KCNQ2: variants seen among roughly 807,000 people sequenced by gnomAD.
KCNQ2 encodes the protein potassium voltage-gated channel subfamily Q member 2.
In KCNQ2, 14 loss-of-function variants were observed where a neutral mutation model predicts 84.8. The ratio of observed to expected loss-of-function variants is 0.17; its 90% CI spans 0.11 to 0.26. KCNQ2 has a LOEUF of 0.26. Ranked by LOEUF, KCNQ2 falls within the 10% of genes least tolerant of loss-of-function variation. KCNQ2 has a pLI of 1.00. For missense variants in KCNQ2, 788 were observed against 1,254.0 expected, an observed-to-expected ratio of 0.63 and a Z score of 5.61; for synonymous variants, 599 against 554.1, an observed-to-expected ratio of 1.08 and a Z score of -1.14.
chr20:63,436,861 C>T (rs2081025898), intron 7 of KCNQ2, among the ~76,000 whole-genome samples: 1 of 150,520 alleles, frequency 6.6e-6, no homozygotes. Context: ...ACTGCAACCT[C>T]CGTCTCCCGG....
At chr20:63,441,271 C>T (rs1490673553) in intron 5 of KCNQ2, among the ~76,000 whole-genome samples, 1 of 149,236 alleles carries the variant, frequency 6.7e-6, no homozygotes, top group Non-Finnish European at 1.5e-5. Flanking sequence ...GGGTAGATCT[C>T]ATCCCAGTAG....
chr20:63,472,550 C>G lies in KCNQ2; in HGVS notation c.-87G>C, dbSNP rs1031079710. ...CGGCGCGGGCCCCAGCCCAGGCCCCCCGGCCGGGAGCCGCATGGCCGAGGC... is the reference window on the plus strand; with the variant it reads ...CGGCGCGGGCCCCAGCCCAGGCCCCGCGGCCGGGAGCCGCATGGCCGAGGC... On this transcript the variant is annotated 5_prime_UTR_variant, in exon 1 of 17. Coordinates refer to ENST00000359125, the MANE Select transcript of KCNQ2 (RefSeq NM_172107.4). 13 of 1,173,776 alleles carry G rather than the reference C, an allele frequency of 1.1e-5. No individual in the cohort carries two copies. Among genetic ancestry groups the G allele is most frequent in the South Asian group, 3.7e-5 (1 of 27,082 alleles). 72.7% of individuals were successfully genotyped at this position (1,173,776 alleles called of 1,614,324 possible).
At chr20:63,424,863 C>G (rs2080581415) in intron 10 of KCNQ2, among the ~76,000 whole-genome samples, 1 of 152,194 alleles carries the variant, frequency 6.6e-6, no homozygotes, top group Non-Finnish European at 1.5e-5. Flanking sequence ...ATGGGGAGGC[C>G]CCAGCGATCT....
At chr20:63,419,764 G>T in intron 11 of KCNQ2, 92 bp from the exon 12 acceptor site, 1 of 1,122,544 alleles carries the variant, frequency 8.9e-7, no homozygotes, top group Non-Finnish European at 1.3e-6. Flanking sequence ...CACCCAGGGT[G>T]TTGTGTGCAG....
intron 1 of KCNQ2, among the ~76,000 whole-genome samples, chr20:63,470,091 C>T (rs2082177148): frequency 6.6e-6 from 1 of 152,230 alleles, no homozygotes; most frequent in South Asian, 2.1e-4. Flanking sequence ...GGTTCTGAGA[C>T]CAGCCCCCAG....
Position 63,444,755 on chromosome 20 carries a change from C to G in KCNQ2, c.594G>C (p.Arg198=). The G allele has an allele frequency of 6.2e-7, 1 of 1,606,990 alleles. No homozygotes were observed. Among genetic ancestry groups the G allele is most frequent in the South Asian group, 1.1e-5 (1 of 89,570 alleles). Residue 198 remains arginine (R), a synonymous_variant, in exon 4 of 17, where the codon CGG becomes CGC. Transcript: ENST00000359125. ...QGNVFATSAL[R]SLRFLQILRM... ...GCAGAATCTGCAGGAAGCGCAGGCT[C>G]CGGAGCGCAGATGTGGCAAAGACGT...
chr20:63,472,543 A>G lies in KCNQ2; in HGVS notation c.-80T>C, dbSNP rs2082244078. ...CGGGGGGCGGCGCGGGCCCCAGCCCAGGCCCCCCGGCCGGGAGCCGCATGG... is the reference window on the plus strand; with the variant it reads ...CGGGGGGCGGCGCGGGCCCCAGCCCGGGCCCCCCGGCCGGGAGCCGCATGG... On this transcript the variant is annotated 5_prime_UTR_variant, in exon 1 of 17. Transcript: ENST00000359125. The G allele has an allele frequency of 8.3e-7, 1 of 1,200,904 alleles. No individual in the cohort carries two copies. The highest frequency in any genetic ancestry group is 1.0e-6 in the Non-Finnish European group (1 of 960,322). 74.4% of individuals were successfully genotyped at this position (1,200,904 alleles called of 1,614,324 possible).
intron 15 of KCNQ2, among the ~76,000 whole-genome samples, chr20:63,412,558 C>T (rs1015377440): frequency 6.6e-6 from 1 of 152,200 alleles, no homozygotes; most frequent in African/African-American, 2.4e-5. Flanking sequence ...CTTCCCTGGC[C>T]CCCTGAAGCA....
intron 1 of KCNQ2, among the ~76,000 whole-genome samples, chr20:63,452,201 T>C (rs920600019): frequency 3.1e-5 from 2 of 64,412 alleles, no homozygotes; most frequent in Non-Finnish European, 6.2e-5. Flanking sequence ...AAGCGTCTCA[T>C]GTGAAAACTG....
chr20:63,414,852 C>G lies in KCNQ2; in HGVS notation c.1525+51G>C, dbSNP rs769145654. The G allele has an allele frequency of 6.3e-7, 1 of 1,581,586 alleles. No individual in the cohort carries two copies. Among genetic ancestry groups the G allele is most frequent in the South Asian group, 1.1e-5 (1 of 90,474 alleles). The stretch of plus-strand genomic sequence containing the variant: ...AGGGTGGCCACAGTAGCGTGGCCAC[C>G]ACATCCATCCCCGGAGAGGATGGAC... On this transcript the variant is annotated intron_variant, in intron 13 of 16. Transcript: ENST00000359125. The surrounding 1 kb of genome is among the most constrained non-coding windows in gnomAD (Gnocchi z 6.6).
chr20:63,442,752 T>TCACCACCACCAC (rs1568934242), intron 4 of KCNQ2, among the ~76,000 whole-genome samples: 2 of 35,182 alleles, frequency 5.7e-5, no homozygotes, highest in African/African-American at 1.2e-4. Flanking sequence ...ATCACCACCA[T>TCACCACCACCAC]CACCATCACC....
intron 8 of KCNQ2, 104 bp downstream of exon 8, chr20:63,433,705 A>G (rs1190043396): frequency 6.3e-7 from 1 of 1,598,628 alleles, no homozygotes; most frequent in South Asian, 1.1e-5. Flanking sequence ...ATTTTAAAGA[A>G]AAAAAATCAA....
At chr20:63,442,968 C>T (rs796164819) in intron 4 of KCNQ2, among the ~76,000 whole-genome samples, 20 of 43,444 alleles carry the variant, frequency 4.6e-4, no homozygotes, top group Non-Finnish European at 4.9e-4. Context: ...ATCACCACCA[C>T]CACCACCATC....
chr20:63,416,338 G>A lies in KCNQ2; in HGVS notation c.1302-1212C>T, dbSNP rs554942920. Among the ~76,000 whole-genome samples, 19 of 152,322 alleles carry A rather than the reference G, an allele frequency of 1.2e-4. No homozygotes were observed. The South Asian group carries it at 2.7e-3, about 22-fold the overall frequency. ...TGACCGTGGAGATGGGTTTGCACCC[G>A]AGTTCTTCAACTCCAGCGTCCGCCG... On this transcript the variant is annotated intron_variant, in intron 12 of 16. Transcript: ENST00000359125.
At chr20:63,412,014 A>G in intron 15 of KCNQ2, 4 of 617,428 alleles carry the variant, frequency 6.5e-6, no homozygotes, top group Non-Finnish European at 1.2e-5. Flanking sequence ...TCTCCCACAG[A>G]GGGTGTGGAC....
chr20:63,455,026 G>A (rs1009299547), intron 1 of KCNQ2, among the ~76,000 whole-genome samples: 7 of 152,316 alleles, frequency 4.6e-5, no homozygotes, highest in Admixed American at 1.3e-4. Flanking sequence ...AGGGCTGCCC[G>A]CCCCCTCCTG....
chr20:63,471,753 C>T (rs6011849), intron 1 of KCNQ2: 1,831 of 170,616 alleles, frequency 0.011, 31 homozygotes, highest in African/African-American at 0.041. Flanking sequence ...ACCCCTCCCC[C>T]CCGCCCTCGC....
In KCNQ2 at chr20:63,414,156, C is replaced by G; in HGVS notation, c.1563G>C (p.Lys521Asn). ...CGGTCACAAACTCGCAGGGGCAGCT[C>G]TTGTCATCCACAATGTCCTCTCCGG... Reference protein sequence around the residue: ...SLPGEDIVDDKSCPCEFVTED... With the variant: ...SLPGEDIVDDNSCPCEFVTED... Residue 521 changes from lysine to asparagine, a missense_variant, in exon 14 of 17, where the codon AAG becomes AAC. Physicochemically the swap from Lys to Asn is moderately conservative, Grantham distance 94. This residue lies in a region of KCNQ2 where 202 missense variants were observed against 239.4 expected (regional missense o/e 0.84). Transcript: ENST00000359125. The surrounding 1 kb of genome is among the most constrained non-coding windows in gnomAD (Gnocchi z 6.6). The G allele has an allele frequency of 6.2e-7, 1 of 1,613,742 alleles. No individual in the cohort carries two copies. Among genetic ancestry groups the G allele is most frequent in the East Asian group, 2.2e-5 (1 of 44,862 alleles).
chr20:63,442,333 G>A (rs1457575687), intron 5 of KCNQ2, 73 bp downstream of exon 5: 12 of 1,608,924 alleles, frequency 7.5e-6, no homozygotes, highest in Non-Finnish European at 9.4e-6. Context: ...CTCAGCCAGT[G>A]AGAGCCTGGT....
Sources: gnomAD v4.1 joint callset for allele counts (sites outside exome capture counted in the v4.1 genomes callset) on GRCh38, gnomAD v4.1.1 for gene constraint, gnomAD v4.1.1 regional missense constraint, Gnocchi (gnomAD v3.1) non-coding constraint, MANE v1.5 for transcripts, NCBI Gene and HGNC (gene_info 2026-07-23, HGNC 2026-07-21) for gene names.